MAEA: variants seen among roughly 807,000 people sequenced by gnomAD.
MAEA encodes E3 ubiquitin-protein transferase MAEA.
MAEA carries 22 observed loss-of-function variants against 46.2 expected under a neutral mutation model. The observed-to-expected ratio is 0.48, with a 90% CI of 0.34 to 0.68. The LOEUF (loss-of-function observed/expected upper bound fraction) is 0.68. MAEA is among the 30% of genes least tolerant of loss of function. The pLI is 0.01. For synonymous variants in MAEA, 246 were observed against 222.6 expected (o/e 1.11, Z -0.94); for missense variants, 393 against 558.1 (o/e 0.70, Z 2.98).
chr4:1,330,018 CTGTG>C (rs1180224676), intron 5 of MAEA: 1 of 985,414 alleles, frequency 1.0e-6, no homozygotes, highest in East Asian at 1.1e-4. Context: ...GTCCTGCTGT[CTGTG>C]GAGCCAGCGT....
At chr4:1,324,947 G>T (rs2108969830) in intron 4 of MAEA, among the ~76,000 whole-genome samples, 1 of 152,146 alleles carries the variant, frequency 6.6e-6, no homozygotes, top group South Asian at 2.1e-4. Flanking sequence ...GAGCGTGCCT[G>T]GTGTTGGATG....
At chr4:1,315,746 C>T (rs1290282501) in intron 3 of MAEA, 146 bp downstream of exon 3, 2 of 571,248 alleles carry the variant, frequency 3.5e-6, no homozygotes, top group Admixed American at 5.4e-5. Flanking sequence ...GTTCCCCTCC[C>T]CCCACCCCCG....
chr4:1,312,183 C>T, intron 2 of MAEA, 22 bp downstream of exon 2: 1 of 1,613,328 alleles, frequency 6.2e-7, no homozygotes. Flanking sequence ...CTGGCGGTCC[C>T]TCTTCAGTCT....
chr4:1,320,976 T>C (rs1204406079), intron 3 of MAEA, among the ~76,000 whole-genome samples: 2 of 152,202 alleles, frequency 1.3e-5, no homozygotes, highest in Non-Finnish European at 2.9e-5. Context: ...GGCAGGCGCC[T>C]GTAGTCCCAG....
At chr4:1,326,912 C>CT (rs1738914481) in intron 4 of MAEA, among the ~76,000 whole-genome samples, 1 of 151,996 alleles carries the variant, frequency 6.6e-6, no homozygotes, top group Non-Finnish European at 1.5e-5. Context: ...GACCTGGGTC[C>CT]TGCCTGCTGC....
chr4:1,295,886 G>A (rs1320686680), intron 1 of MAEA, among the ~76,000 whole-genome samples: 1 of 111,398 alleles, frequency 9.0e-6, no homozygotes, highest in African/African-American at 3.8e-5. Context: ...CTTCACCTGT[G>A]TCTGCACCGC....
At chr4:1,300,578 C>A (rs1160213540) in intron 1 of MAEA, among the ~76,000 whole-genome samples, 2 of 152,270 alleles carry the variant, frequency 1.3e-5, no homozygotes, top group African/African-American at 4.8e-5. Context: ...ACGGCCCCGG[C>A]TCTTCCGTGC....
chr4:1,320,025 GCT>G (rs774643125), intron 3 of MAEA, among the ~76,000 whole-genome samples: 42 of 151,574 alleles, frequency 2.8e-4, no homozygotes, highest in Non-Finnish European at 5.1e-4. Context: ...CTATGAAGGG[GCT>G]CCAGAAAAGA....
intron 6 of MAEA, chr4:1,334,882 CTT>C (rs1712543281): frequency 1.0e-6 from 1 of 985,304 alleles, no homozygotes; most frequent in African/African-American, 1.7e-5. Flanking sequence ...CCCTTGTAGA[CTT>C]TGATTTTTAG....
chr4:1,292,992 C>A (rs957533779), intron 1 of MAEA, among the ~76,000 whole-genome samples: 1 of 149,024 alleles, frequency 6.7e-6, no homozygotes, highest in Non-Finnish European at 1.5e-5. Flanking sequence ...CTCCCAGATT[C>A]AAGCAATTCT....
At chr4:1,323,622 G>A (rs1309236006) in intron 4 of MAEA, 3 of 702,514 alleles carry the variant, frequency 4.3e-6, no homozygotes, top group East Asian at 2.7e-5. Flanking sequence ...TGTAACCTGC[G>A]GCCCCACTAC....
At chr4:1,298,902 G>T (rs1667427097) in intron 1 of MAEA, among the ~76,000 whole-genome samples, 1 of 152,086 alleles carries the variant, frequency 6.6e-6, no homozygotes, top group Admixed American at 6.6e-5. Flanking sequence ...TATTTTTAGA[G>T]ATGGGATCTC....
chr4:1,296,981 C>T (rs1169175868), intron 1 of MAEA, among the ~76,000 whole-genome samples: 1 of 152,200 alleles, frequency 6.6e-6, no homozygotes, highest in Non-Finnish European at 1.5e-5. Context: ...CTCCAAGCTC[C>T]TGTCCCCACA....
At chr4:1,290,218 C>T (rs1733962113) in intron 1 of MAEA, among the ~76,000 whole-genome samples, 1 of 151,998 alleles carries the variant, frequency 6.6e-6, no homozygotes, top group South Asian at 2.1e-4. Flanking sequence ...TGAAGAGCTG[C>T]GTGAGCCGAG....
At chr4:1,328,576 G>T in intron 5 of MAEA, 1 of 1,168,770 alleles carries the variant, frequency 8.6e-7, no homozygotes, top group Non-Finnish European at 1.1e-6. Context: ...TGTTTGCCAG[G>T]AGGGGGCACC....
intron 1 of MAEA, chr4:1,309,576 G>T: frequency 6.7e-7 from 1 of 1,489,808 alleles, no homozygotes; most frequent in Non-Finnish European, 8.9e-7. Context: ...CAGCGCTGGA[G>T]GAGGAGCAGA....
intron 3 of MAEA, among the ~76,000 whole-genome samples, chr4:1,317,032 G>C (rs1272253019): frequency 1.2e-4 from 9 of 72,350 alleles, no homozygotes; most frequent in Admixed American, 5.5e-4. Flanking sequence ...AGACTCACCT[G>C]CAGGCCCACC....
chr4:1,309,635 G>GTGC, intron 1 of MAEA: 1 of 1,529,974 alleles, frequency 6.5e-7, no homozygotes, highest in South Asian at 1.2e-5. Flanking sequence ...GGCCTGAGGA[G>GTGC]TAAGCGGCTG....
chr4:1,324,922 G>A (rs1163396000), intron 4 of MAEA, among the ~76,000 whole-genome samples: 25 of 151,952 alleles, frequency 1.6e-4, no homozygotes, highest in African/African-American at 6.0e-4. Context: ...GGTGTTGGAT[G>A]AGTTGAGATT....
Sources: allele counts gnomAD v4.1 joint callset (sites outside exome capture counted in the v4.1 genomes callset), GRCh38; gene constraint gnomAD v4.1.1; transcripts MANE v1.5; gene names NCBI Gene and HGNC (gene_info 2026-07-23, HGNC 2026-07-21).